Variants in DDX31 observed in about 807,000 individuals in gnomAD.
DDX31 encodes DEAD-box helicase 31.
Under a neutral mutation model 91.3 loss-of-function variants are expected in DDX31, and 70 were observed. That is an observed-to-expected ratio of 0.77 (90% CI 0.63 to 0.94). DDX31 has a LOEUF of 0.94. Ranked by LOEUF, DDX31 falls within the 40% of genes least tolerant of loss-of-function variation. The pLI, the probability that DDX31 is intolerant of heterozygous loss-of-function variation, is 0.00. For synonymous variants in DDX31, 362 were observed against 350.6 expected, an observed-to-expected ratio of 1.03 and a Z score of -0.36; for missense variants, 902 against 925.0, an observed-to-expected ratio of 0.98 and a Z score of 0.32.
At chr9:132,654,953 A>AG (rs1036847159) in intron 6 of DDX31, among the ~76,000 whole-genome samples, 1 of 151,598 alleles carries the variant, frequency 6.6e-6, no homozygotes, top group African/African-American at 2.4e-5. Context: ...CTCAAAAAAA[A>AG]AAAAAAAAAA....
intron 14 of DDX31, 120 bp downstream of exon 14, chr9:132,641,884 G>A (rs2130739135): frequency 2.1e-6 from 2 of 961,452 alleles, no homozygotes; most frequent in South Asian, 1.5e-5. Flanking sequence ...CCACCAAGGG[G>A]CCCCTAGTGT....
chr9:132,637,881 T>G, intron 14 of DDX31: 1 of 988,414 alleles, frequency 1.0e-6, no homozygotes, highest in East Asian at 1.1e-4. Flanking sequence ...AAGTCTACAT[T>G]TATTTGGGAC....
chr9:132,644,815 T>G (rs1833720662), intron 13 of DDX31, among the ~76,000 whole-genome samples: 1 of 152,166 alleles, frequency 6.6e-6, no homozygotes, highest in South Asian at 2.1e-4. Context: ...GAATCAGGGA[T>G]CCAAAGGTAA....
intron 15 of DDX31, 60 bp downstream of exon 15, chr9:132,631,981 C>T: frequency 1.4e-6 from 2 of 1,438,504 alleles, no homozygotes; most frequent in Non-Finnish European, 1.9e-6. Flanking sequence ...AAAGCCAATG[C>T]ATCTACTCAT....
rs539442293 is a variant in DDX31 at position 132,649,569 on chromosome 9, T to A, written c.740+665A>T. ...AAATGTGAAAGAAAAATAAAACTTG[T>A]ATATTGTTTGTGCCACTGTTATTTG... On this transcript the variant is annotated intron_variant, in intron 9 of 19. Transcript: ENST00000372159. Among the ~76,000 whole-genome samples, 5 of 152,342 alleles carry A rather than the reference T, an allele frequency of 3.3e-5. No homozygotes were observed. The South Asian group carries it at 1.0e-3, about 32-fold the overall frequency.
chr9:132,622,765 T>C (rs909624832), intron 17 of DDX31, among the ~76,000 whole-genome samples: 3 of 152,270 alleles, frequency 2.0e-5, no homozygotes, highest in Non-Finnish European at 2.9e-5. Context: ...TCCCTGAGTC[T>C]GGGCTTTAAT....
chr9:132,662,519 A>G lies in DDX31; in HGVS notation c.252T>C (p.Ser84=). 1.9e-6 allele frequency: 3 copies of G among 1,614,196 alleles called. No homozygotes were observed. Among genetic ancestry groups the G allele is most frequent in the South Asian group, 2.2e-5 (2 of 91,080 alleles). ...FSPKKHSVST[S]DRNQEERQCI... is the part of the protein sequence containing the mutation. The stretch of plus-strand genomic sequence containing the variant: ...ACTGTCTCTCCTCCTGGTTTCTATC[A>G]CTTGTGCTAACCGAATGCTTCTTTG... The change falls in exon 2 of 20, where the codon AGT becomes AGC. Residue 84 remains serine (S), a synonymous_variant. Coordinates refer to ENST00000372159, the MANE Select transcript of DDX31 (RefSeq NM_022779.9).
In DDX31 at chr9:132,594,433, C is replaced by T. The variant is rs1038750148; in HGVS notation, c.*433G>A. On this transcript the variant is annotated 3_prime_UTR_variant, in exon 20 of 20. Transcript: ENST00000372159. ...TTCCAGTTTTTAACACCCTAATTCA[C>T]AAAATTCATGCCAATGTATGCGCTG... is the stretch of plus-strand genomic sequence containing the variant. 6.3e-6 allele frequency: 1 copy of T among 158,004 alleles called. No homozygotes were observed. Among genetic ancestry groups the T allele is most frequent in the Non-Finnish European group, 1.4e-5 (1 of 71,690 alleles). The allele number at this position is 158,004 out of a possible 1,614,324, so 9.8% of individuals were successfully genotyped here. A position where few individuals can be genotyped will look rare whatever the true frequency, so the allele number is the denominator to read the frequency against.
Position 132,594,848 on chromosome 9 carries a change from C to G in DDX31, c.*18G>C. The G allele has an allele frequency of 3.7e-6, 6 of 1,608,630 alleles. No homozygotes were observed. The highest frequency in any genetic ancestry group is 2.1e-4 in the Middle Eastern group (1 of 4,854). ...CCACCCGGGGCTTCCAGGTTCCACT[C>G]GAAGACCCAGAGAGATTTTAAACTT... is the stretch of plus-strand genomic sequence containing the variant. On this transcript the variant is annotated 3_prime_UTR_variant, in exon 20 of 20. Transcript: ENST00000372159.
intron 12 of DDX31, among the ~76,000 whole-genome samples, chr9:132,646,363 G>A (rs1224873052): frequency 6.6e-6 from 1 of 152,110 alleles, no homozygotes; most frequent in Non-Finnish European, 1.5e-5. Context: ...TTCGCCCAGG[G>A]CTTGCCACAT....
intron 19 of DDX31, among the ~76,000 whole-genome samples, chr9:132,609,845 C>A (rs565199620): frequency 6.6e-6 from 1 of 152,266 alleles, no homozygotes; most frequent in East Asian, 1.9e-4. Context: ...TGGTCTTGAA[C>A]TCCTGACCTT....
chr9:132,597,570 C>T (rs1830505056), intron 19 of DDX31, among the ~76,000 whole-genome samples: 1 of 152,232 alleles, frequency 6.6e-6, no homozygotes, highest in African/African-American at 2.4e-5. Context: ...GCTCCTGCTA[C>T]CGCTAAGGCA....
rs1830727218 is a variant in DDX31, at chr9:132,601,631, C to G, written c.1995-6519G>C. On this transcript the variant is annotated intron_variant, in intron 19 of 19. Coordinates refer to ENST00000372159, the MANE Select transcript of DDX31 (RefSeq NM_022779.9). ...TTGCTGGGCAGTTTCCATTGTAAGT[C>G]TGGATACTTTCACGAACCAGACTTT... Among the ~76,000 whole-genome samples, 6 of 152,344 alleles carry G rather than the reference C, an allele frequency of 3.9e-5. No individual in the cohort carries two copies. In the South Asian group the frequency reaches 1.2e-3, roughly 32 times the overall value.
intron 19 of DDX31, among the ~76,000 whole-genome samples, chr9:132,609,710 C>T (rs1214733561): frequency 6.6e-6 from 1 of 152,148 alleles, no homozygotes; most frequent in Non-Finnish European, 1.5e-5. Context: ...CAACCTCTGC[C>T]GCCCAGGTTC....
chr9:132,653,427 G>A (rs1353162153), intron 6 of DDX31, among the ~76,000 whole-genome samples: 2 of 141,066 alleles, frequency 1.4e-5, no homozygotes, highest in Non-Finnish European at 3.0e-5. Context: ...CCAGGAGGTG[G>A]AGGTTGCAGT....
intron 14 of DDX31, among the ~76,000 whole-genome samples, chr9:132,637,610 G>A (rs974282547): frequency 4.6e-5 from 7 of 152,226 alleles, no homozygotes; most frequent in South Asian, 2.1e-4. Context: ...CATTACTGCC[G>A]TGTGTGGAAA....
chr9:132,628,288 G>A (rs1020763872), intron 16 of DDX31, among the ~76,000 whole-genome samples: 1 of 152,168 alleles, frequency 6.6e-6, no homozygotes, highest in Non-Finnish European at 1.5e-5. Flanking sequence ...TCACGCAAAT[G>A]CTCTTCCACC....
chr9:132,666,735 C>T (rs1835337185), intron 1 of DDX31, among the ~76,000 whole-genome samples: 1 of 150,076 alleles, frequency 6.7e-6, no homozygotes, highest in South Asian at 2.1e-4. Context: ...GAGACAGAGT[C>T]TCGCTCTGTC....
At chr9:132,617,961 A>G (rs1323531278) in intron 18 of DDX31, among the ~76,000 whole-genome samples, 1 of 152,174 alleles carries the variant, frequency 6.6e-6, no homozygotes, top group Non-Finnish European at 1.5e-5. Flanking sequence ...TCTGGCCTTC[A>G]TCTCTAATTT....
Sources: gnomAD v4.1 joint callset for allele counts (sites outside exome capture counted in the v4.1 genomes callset) on GRCh38, gnomAD v4.1.1 for gene constraint, MANE v1.5 for transcripts, NCBI Gene and HGNC (gene_info 2026-07-23, HGNC 2026-07-21) for gene names.